NLRP4: variants seen among roughly 807,000 people sequenced by gnomAD.
NLRP4 encodes NACHT, LRR and PYD domains-containing protein 4.
A neutral mutation model predicts 84.7 loss-of-function variants in NLRP4; 44 were observed. That is an observed-to-expected ratio of 0.52 (90% CI 0.41 to 0.67). NLRP4 has a LOEUF of 0.67. Ranked by LOEUF, NLRP4 falls within the 30% of genes least tolerant of loss-of-function variation. NLRP4 has a pLI of 0.00. For missense variants in NLRP4, 1,260 were observed against 1,219.4 expected, an observed-to-expected ratio of 1.03 and a Z score of -0.50; for synonymous variants, 544 against 476.4, an observed-to-expected ratio of 1.14 and a Z score of -1.85.
At chr19:55,844,984 A>T (rs1983739594) in intron 1 of NLRP4, among the ~76,000 whole-genome samples, 1 of 151,970 alleles carries the variant, frequency 6.6e-6, no homozygotes, top group Admixed American at 6.6e-5. Flanking sequence ...CTCTTCCCAG[A>T]GCCGGAGGTA....
chr19:55,850,609 A>C (rs376970276), intron 1 of NLRP4, among the ~76,000 whole-genome samples: 361 of 25,622 alleles, frequency 0.014, 5 homozygotes, highest in African/African-American at 0.031. Context: ...GGTGTAATTT[A>C]CGAGGCTGCG....
At chr19:55,843,230 C>T (rs918561424) in intron 1 of NLRP4, among the ~76,000 whole-genome samples, 1 of 152,156 alleles carries the variant, frequency 6.6e-6, no homozygotes, top group East Asian at 1.9e-4. Flanking sequence ...CCTTGCCTTA[C>T]CCCCACTCTG....
rs764351454 is a variant in NLRP4 at position 55,858,144 on chromosome 19, T to C, written c.751T>C (p.Leu251=). Residue 251 remains leucine, a synonymous_variant, in exon 3 of 10, where the codon TTG becomes CTG. Transcript: ENST00000301295. This position sits in a 1 kb window ranked among gnomAD's most constrained non-coding sequence, Gnocchi z 4.2. ...ACCCGATTCGGATCTGTGTGGTGACTTGATGGAGAAACGGCCGGTGCAGGT... is the reference window on the plus strand; with the variant it reads ...ACCCGATTCGGATCTGTGTGGTGACCTGATGGAGAAACGGCCGGTGCAGGT... ...NEPDSDLCGD[L]MEKRPVQVLL... 1.2e-6 allele frequency: 2 copies of C among 1,613,978 alleles called. No individual in the cohort carries two copies. Among genetic ancestry groups the C allele is most frequent in the Non-Finnish European group, 1.7e-6 (2 of 1,180,032 alleles).
At chr19:55,843,049 G>T (rs1197353977) in intron 1 of NLRP4, among the ~76,000 whole-genome samples, 1 of 152,152 alleles carries the variant, frequency 6.6e-6, no homozygotes, top group Admixed American at 6.5e-5. Context: ...GTCAGCCACC[G>T]TGCCTGGCCT....
Position 55,881,641 on chromosome 19 carries a change from C to A in NLRP4, c.*54C>A, listed in dbSNP as rs111523474. ...CACCTGCAAAGGACAGGGACTGGGA[C>A]CGTTACTTACATGACACTGCACCCA... On this transcript the variant is annotated 3_prime_UTR_variant, in exon 10 of 10. Coordinates refer to ENST00000301295, the MANE Select transcript of NLRP4 (RefSeq NM_134444.5). The A allele has an allele frequency of 2.4e-6, 2 of 840,362 alleles. No homozygotes were observed. Among genetic ancestry groups the A allele is most frequent in the Non-Finnish European group, 4.0e-6 (2 of 496,916 alleles). 52.1% of individuals were successfully genotyped at this position (840,362 alleles called of 1,614,324 possible).
At chr19:55,876,377 C>T (rs1028392626) in intron 7 of NLRP4, among the ~76,000 whole-genome samples, 2 of 152,136 alleles carry the variant, frequency 1.3e-5, no homozygotes, top group African/African-American at 2.4e-5. Context: ...GAGACAGTCT[C>T]TCACTTTGTC....
chr19:55,850,692 T>TGCGGTGTAATGTCCGA (rs1984067386), intron 1 of NLRP4, among the ~76,000 whole-genome samples: 2 of 72,784 alleles, frequency 2.7e-5, no homozygotes, highest in African/African-American at 9.4e-5. Context: ...GTAATGTCCG[T>TGCGGTGTAATGTCCGA]GGCTGCGGTG....
intron 3 of NLRP4, among the ~76,000 whole-genome samples, 166 bp downstream of exon 3, chr19:55,859,415 TTGTC>T (rs769248769): frequency 2.0e-5 from 3 of 152,160 alleles, no homozygotes; most frequent in Non-Finnish European, 2.9e-5. Context: ...CTCTTAGACT[TTGTC>T]TGTGAGCCTT....
chr19:55,854,959 G>A (rs565774533), intron 2 of NLRP4, among the ~76,000 whole-genome samples: 3 of 152,220 alleles, frequency 2.0e-5, no homozygotes, highest in South Asian at 2.1e-4. Context: ...GCTGACCTCC[G>A]GTGATCCGCC....
chr19:55,881,163 G>A (rs1408807445), intron 9 of NLRP4, among the ~76,000 whole-genome samples: 6 of 152,088 alleles, frequency 3.9e-5, no homozygotes, highest in African/African-American at 1.2e-4. Flanking sequence ...GTGTGTGTGT[G>A]TGTACCTGTC....
chr19:55,843,759 C>A (rs1246004417), intron 1 of NLRP4, among the ~76,000 whole-genome samples: 4 of 151,944 alleles, frequency 2.6e-5, no homozygotes, highest in South Asian at 2.1e-4. Flanking sequence ...AAAGTAATTG[C>A]GGTTTTTGCA....
At chr19:55,867,260 C>T (rs778649614) in intron 5 of NLRP4, among the ~76,000 whole-genome samples, 21 of 149,614 alleles carry the variant, frequency 1.4e-4, no homozygotes, top group Non-Finnish European at 2.7e-4. Flanking sequence ...ACAGATGGTG[C>T]GTCTCAGGTT....
chr19:55,867,717 A>AT lies in NLRP4; in HGVS notation c.2197dup (p.Cys733LeufsTer7). The AT allele has an allele frequency of 6.2e-7, 1 of 1,613,602 alleles. No individual in the cohort carries two copies. Among genetic ancestry groups the AT allele is most frequent in the Middle Eastern group, 1.7e-4 (1 of 6,056 alleles). ...TTTTCCCTTTCCTGCAGGCTGGTAA[A>AT]TTGTCACCTCTCACCCATTGATTGT... On this transcript the variant is annotated frameshift_variant, in exon 6 of 10. Transcript: ENST00000301295. LOFTEE classifies it high-confidence loss of function.
intron 2 of NLRP4, chr19:55,857,325 A>ATGTGTGTGTGTGTGTG (rs35115500): frequency 0.013 from 3,482 of 272,488 alleles, 48 homozygotes; most frequent in South Asian, 0.03. Context: ...GTAGCAATGA[A>ATGTGTGTGTGTGTGTG]TGTGTGTGTG....
chr19:55,867,247 A>G (rs1440005577), intron 5 of NLRP4, among the ~76,000 whole-genome samples: 1 of 150,866 alleles, frequency 6.6e-6, no homozygotes, highest in Non-Finnish European at 1.5e-5. Context: ...AAGCATGCAT[A>G]TAACAGATGG....
At chr19:55,867,608 A>G in intron 5 of NLRP4, 101 bp from the exon 6 acceptor site, 3 of 1,060,962 alleles carry the variant, frequency 2.8e-6, no homozygotes, top group Non-Finnish European at 4.2e-6. Context: ...GAGCCTCTCA[A>G]GGACAGCAAA....
rs1985604452 is a variant in NLRP4 at position 55,881,815 on chromosome 19, T to C, written c.*228T>C. 2 of 349,706 alleles carry C rather than the reference T, an allele frequency of 5.7e-6. No individual in the cohort carries two copies. Among genetic ancestry groups the C allele is most frequent in the Admixed American group, 9.2e-5 (2 of 21,826 alleles). 21.7% of individuals were successfully genotyped at this position (349,706 alleles called of 1,614,324 possible). On this transcript the variant is annotated 3_prime_UTR_variant, in exon 10 of 10. Transcript: ENST00000301295. ...GGTCTCTCGGTCTCACAAGGACCTCTTAACCCCTCAATAAAGTGTTACATT... is the reference window on the plus strand; with the variant it reads ...GGTCTCTCGGTCTCACAAGGACCTCCTAACCCCTCAATAAAGTGTTACATT...
intron 1 of NLRP4, among the ~76,000 whole-genome samples, chr19:55,841,130 T>C (rs896437864): frequency 2.0e-5 from 3 of 152,220 alleles, no homozygotes; most frequent in African/African-American, 7.2e-5. Flanking sequence ...TTAGACACAT[T>C]TCTTTGTAGT....
chr19:55,874,480 T>G (rs1985299034), intron 7 of NLRP4, among the ~76,000 whole-genome samples: 1 of 152,156 alleles, frequency 6.6e-6, no homozygotes, highest in Admixed American at 6.5e-5. Flanking sequence ...ATGCTACAGA[T>G]ATTAAAAAGA....
Sources: gnomAD v4.1 joint callset for allele counts (sites outside exome capture counted in the v4.1 genomes callset) on GRCh38, gnomAD v4.1.1 for gene constraint, Gnocchi (gnomAD v3.1) non-coding constraint, MANE v1.5 for transcripts, NCBI Gene and HGNC (gene_info 2026-07-23, HGNC 2026-07-21) for gene names.